Variants in PTPRN2 observed in about 807,000 individuals in gnomAD.
The protein encoded by PTPRN2 is protein tyrosine phosphatase receptor type N2.
Under a neutral mutation model 118.8 loss-of-function variants are expected in PTPRN2, and 74 were observed. The ratio of observed to expected loss-of-function variants is 0.62; its 90% CI spans 0.52 to 0.76. PTPRN2 has a LOEUF of 0.76. PTPRN2 is among the 30% of genes least tolerant of loss of function. The pLI is 0.00. For synonymous variants in PTPRN2, 641 were observed against 608.0 expected, an observed-to-expected ratio of 1.05 and a Z score of -0.80; for missense variants, 1,481 against 1,394.4, an observed-to-expected ratio of 1.06 and a Z score of -0.99.
intron 21 of PTPRN2, among the ~76,000 whole-genome samples, chr7:157,552,300 T>A (rs1563205850): frequency 6.6e-6 from 1 of 152,320 alleles, no homozygotes; most frequent in East Asian, 1.9e-4. Flanking sequence ...ATTCTATGTA[T>A]TTTTACATAT....
Position 158,316,876 on chromosome 7 carries a change from C to T in PTPRN2, c.220G>A (p.Val74Met). 1 of 1,612,330 alleles carries T rather than the reference C, an allele frequency of 6.2e-7. No individual in the cohort carries two copies. The highest frequency in any genetic ancestry group is 1.1e-5 in the South Asian group (1 of 91,062). ...AGGCGCTGCAGGGCCACGGGCGACA[C>T]CTCGTAGCGGTAAAAGTCCATTGCC... Reference protein sequence around the residue: ...VPAMDFYRYEVSPVALQRLRV... With the variant: ...VPAMDFYRYEMSPVALQRLRV... The change falls in exon 3 of 23, where the codon GTG (valine) becomes ATG (methionine). Residue 74 changes from valine (V) to methionine (M), a missense_variant. This residue lies in a region of PTPRN2 where 1,115 missense variants were observed against 994.2 expected (regional missense o/e 1.12). Transcript: ENST00000389418.
intron 14 of PTPRN2, among the ~76,000 whole-genome samples, chr7:157,645,967 G>A (rs1805043446): frequency 6.6e-6 from 1 of 152,350 alleles, no homozygotes; most frequent in African/African-American, 2.4e-5. Flanking sequence ...TTTGAAAAAG[G>A]TGCAAGACGT....
intron 12 of PTPRN2, among the ~76,000 whole-genome samples, chr7:157,731,553 C>T (rs113678305): frequency 0.05 from 2,151 of 42,874 alleles, 54 homozygotes; most frequent in African/African-American, 0.15. Flanking sequence ...GTTACCCTTT[C>T]CCGTCCCATG....
chr7:158,371,005 G>A (rs1260694653), intron 2 of PTPRN2, among the ~76,000 whole-genome samples: 1 of 151,934 alleles, frequency 6.6e-6, no homozygotes, highest in African/African-American at 2.4e-5. Context: ...CCCATTATAA[G>A]AAAAAAAGTA....
rs180728996 is a variant in PTPRN2 at position 157,881,176 on chromosome 7, G to A, written c.1788+17497C>T. Among the ~76,000 whole-genome samples, 2 of 148,662 alleles carry A rather than the reference G, an allele frequency of 1.3e-5. No individual in the cohort carries two copies. The highest frequency in any genetic ancestry group is 3.0e-5 in the Non-Finnish European group (2 of 66,368). ...TGGAGGTGTTTACAGGAATCATTACGGTAAAATGAGGTCATGAGGGTATGT... is the reference window on the plus strand; with the variant it reads ...TGGAGGTGTTTACAGGAATCATTACAGTAAAATGAGGTCATGAGGGTATGT... On this transcript the variant is annotated intron_variant, in intron 12 of 22. Coordinates refer to ENST00000389418, the MANE Select transcript of PTPRN2 (RefSeq NM_002847.5). This position sits in a 1 kb window ranked among gnomAD's most constrained non-coding sequence, Gnocchi z 4.7.
At chr7:158,133,539 G>C in intron 9 of PTPRN2, 138 bp downstream of exon 9, 1 of 1,246,328 alleles carries the variant, frequency 8.0e-7, no homozygotes, top group Admixed American at 2.8e-5. Flanking sequence ...GAGACTCCAG[G>C]GATGCCTGCA....
intron 12 of PTPRN2, among the ~76,000 whole-genome samples, chr7:157,886,708 A>G (rs1584952065): frequency 6.6e-6 from 1 of 151,958 alleles, no homozygotes; most frequent in African/African-American, 2.4e-5. Flanking sequence ...AAATAGAAAA[A>G]GAGTGAGAAG....
chr7:158,522,650 G>T (rs1824292641), intron 1 of PTPRN2, among the ~76,000 whole-genome samples: 1 of 152,216 alleles, frequency 6.6e-6, no homozygotes, highest in African/African-American at 2.4e-5. Context: ...GATGCAGTCT[G>T]TGGACACAGA....
chr7:158,065,374 G>A (rs1313721080), intron 11 of PTPRN2, among the ~76,000 whole-genome samples: 3 of 152,236 alleles, frequency 2.0e-5, no homozygotes, highest in East Asian at 1.9e-4. Context: ...AAGGTCTACC[G>A]AAGACTTACT....
At chr7:157,919,677 A>G (rs1274452251) in intron 11 of PTPRN2, among the ~76,000 whole-genome samples, 2 of 152,254 alleles carry the variant, frequency 1.3e-5, no homozygotes, top group Non-Finnish European at 2.9e-5. Context: ...TAAAATTATC[A>G]AAAATTAATA....
In PTPRN2 at chr7:158,587,705, C is replaced by G. The variant is rs1829065724; in HGVS notation, c.-36G>C. 2.6e-6 allele frequency: 3 copies of G among 1,174,258 alleles called. No homozygotes were observed. The highest frequency in any genetic ancestry group is 3.2e-6 in the Non-Finnish European group (3 of 952,022). 72.7% of individuals were successfully genotyped at this position (1,174,258 alleles called of 1,614,324 possible). ...TGGCCGGCGGCGCTCAGTCCATGGC[C>G]GCGCGGGAGGCGGCGGGAGGCGGCC... On this transcript the variant is annotated 5_prime_UTR_variant, in exon 1 of 23. Coordinates refer to ENST00000389418, the MANE Select transcript of PTPRN2 (RefSeq NM_002847.5).
Position 157,808,916 on chromosome 7 carries a change from C to T in PTPRN2, c.1788+89757G>A, listed in dbSNP as rs532362855. Among the ~76,000 whole-genome samples the T allele has an allele frequency of 7.9e-5, 12 of 152,170 alleles. No individual in the cohort carries two copies. The highest frequency in any genetic ancestry group is 5.8e-4 in the East Asian group (3 of 5,168). On this transcript the variant is annotated intron_variant, in intron 12 of 22. Transcript: ENST00000389418. This position sits in a 1 kb window ranked among gnomAD's most constrained non-coding sequence, Gnocchi z 5.0. ...CATGGTCAGTCCCTGCAGCACCTCC[C>T]GAAGTGTGGTGTGTCACTTGCTTTT...
intron 12 of PTPRN2, among the ~76,000 whole-genome samples, chr7:157,883,090 C>CACACCACCCCAAAATGACTGTCAGG: frequency 6.6e-6 from 1 of 151,560 alleles, no homozygotes; most frequent in Non-Finnish European, 1.5e-5. Context: ...GAGACCAGAA[C>CACACCACCCCAAAATGACTGTCAGG]ACACCACCCC....
At chr7:157,940,255 T>A (rs1472272965) in intron 11 of PTPRN2, among the ~76,000 whole-genome samples, 1 of 152,176 alleles carries the variant, frequency 6.6e-6, no homozygotes, top group African/African-American at 2.4e-5. Context: ...CAGTGCAGAT[T>A]CTTTTCTCTC....
Position 158,526,304 on chromosome 7 carries a change from T to C in PTPRN2, c.113-36519A>G, listed in dbSNP as rs1239693659. On this transcript the variant is annotated intron_variant, in intron 1 of 22. Coordinates refer to ENST00000389418, the MANE Select transcript of PTPRN2 (RefSeq NM_002847.5). This position sits in a 1 kb window ranked among gnomAD's most constrained non-coding sequence, Gnocchi z 5.2. ...CGGCGAAGGGAACTGACACCACTCC[T>C]TCCCGGTGAGCTCGGCAGGGCTGCA... Among the ~76,000 whole-genome samples, 1 of 152,142 alleles carries C rather than the reference T, an allele frequency of 6.6e-6. No individual in the cohort carries two copies. Among genetic ancestry groups the C allele is most frequent in the African/African-American group, 2.4e-5 (1 of 41,436 alleles).
intron 3 of PTPRN2, among the ~76,000 whole-genome samples, chr7:158,279,883 C>T (rs887457293): frequency 1.3e-5 from 2 of 152,174 alleles, no homozygotes; most frequent in Non-Finnish European, 2.9e-5. Flanking sequence ...CACGTTATCA[C>T]CTCTCAATGT....
chr7:158,313,577 C>T (rs1160005857), intron 3 of PTPRN2, among the ~76,000 whole-genome samples: 3 of 151,970 alleles, frequency 2.0e-5, no homozygotes, highest in Non-Finnish European at 2.9e-5. Context: ...AGGATACCTA[C>T]GACCCCCCAT....
chr7:158,004,086 T>A (rs113713532), intron 11 of PTPRN2, among the ~76,000 whole-genome samples: 3 of 152,154 alleles, frequency 2.0e-5, no homozygotes, highest in African/African-American at 7.2e-5. Context: ...ACTTGGTGAC[T>A]CTCTAAGGTG....
chr7:158,534,777 A>G (rs961254581), intron 1 of PTPRN2, among the ~76,000 whole-genome samples: 2 of 149,836 alleles, frequency 1.3e-5, no homozygotes, highest in Non-Finnish European at 3.0e-5. Context: ...CATTCTCCAT[A>G]TGTTTCTTGG....
Sources: allele counts gnomAD v4.1 joint callset (sites outside exome capture counted in the v4.1 genomes callset), GRCh38; gene constraint gnomAD v4.1.1; regional missense constraint gnomAD v4.1.1; non-coding constraint Gnocchi (gnomAD v3.1); transcripts MANE v1.5; gene names NCBI Gene and HGNC (gene_info 2026-07-23, HGNC 2026-07-21).